LAMB1: variants seen among roughly 807,000 people sequenced by gnomAD.
LAMB1 encodes the protein laminin subunit beta 1.
Under a neutral mutation model 222.3 loss-of-function variants are expected in LAMB1, and 121 were observed. That is an observed-to-expected ratio of 0.54 (90% CI 0.47 to 0.63). The LOEUF is 0.63. LAMB1 is among the 30% of genes least tolerant of loss of function. LAMB1 has a pLI of 0.00. For missense variants in LAMB1, 2,172 were observed against 2,240.8 expected (o/e 0.97, Z 0.62); for synonymous variants, 794 against 807.2 (o/e 0.98, Z 0.28).
chr7:107,940,799 C>T (rs2116355932), intron 24 of LAMB1, among the ~76,000 whole-genome samples: 1 of 152,304 alleles, frequency 6.6e-6, no homozygotes, highest in South Asian at 2.1e-4. Flanking sequence ...TTTGCCTCCC[C>T]CTTACTTAGG....
intron 4 of LAMB1, among the ~76,000 whole-genome samples, chr7:107,996,802 T>C (rs543970081): frequency 3.0e-4 from 45 of 152,326 alleles, no homozygotes; most frequent in African/African-American, 1.0e-3. Context: ...CTGACTAAAA[T>C]GGGGACAGTC....
At chr7:107,973,988 G>A (rs1320484001) in intron 12 of LAMB1, among the ~76,000 whole-genome samples, 1 of 152,038 alleles carries the variant, frequency 6.6e-6, no homozygotes, top group Non-Finnish European at 1.5e-5. Flanking sequence ...ATGGGGTCTT[G>A]CTGGTCTCAA....
chr7:107,935,405 C>T lies in LAMB1; in HGVS notation c.4188+10G>A. 1 of 1,575,418 alleles carries T rather than the reference C, an allele frequency of 6.3e-7. No individual in the cohort carries two copies. Among genetic ancestry groups the T allele is most frequent in the Non-Finnish European group, 8.6e-7 (1 of 1,158,530 alleles). ...CACCATAGCAGTAAGGCCACATCCCCAAACCTTACCATTTCGGCAGCGGCT... is the reference window on the plus strand; with the variant it reads ...CACCATAGCAGTAAGGCCACATCCCTAAACCTTACCATTTCGGCAGCGGCT... On this transcript the variant is annotated intron_variant, in intron 27 of 33. Coordinates refer to ENST00000222399, the MANE Select transcript of LAMB1 (RefSeq NM_002291.3).
At chr7:107,978,456 A>T (rs749130389) in intron 8 of LAMB1, among the ~76,000 whole-genome samples, 79 of 105,580 alleles carry the variant, frequency 7.5e-4, no homozygotes, top group African/African-American at 2.6e-3. Flanking sequence ...ACTTAAAATT[A>T]AAAAAAAAAA....
Position 107,940,235 on chromosome 7 carries a change from A to C in LAMB1, c.3515T>G (p.Val1172Gly). 6.2e-7 allele frequency: 1 copy of C among 1,613,872 alleles called. No individual in the cohort carries two copies. The highest frequency in any genetic ancestry group is 2.2e-5 in the East Asian group (1 of 44,852). The part of the protein sequence containing the change: ...CDKCTRGYSG[V>G]FPDCTPCHQC... Reference sequence around the variant, plus strand: ...GTGGCAGGGTGTGCAGTCAGGGAAGACCCCCGAGTACCCTCGCGTGCACTT... The same window carrying C: ...GTGGCAGGGTGTGCAGTCAGGGAAGCCCCCCGAGTACCCTCGCGTGCACTT... Residue 1172 changes from valine (V) to glycine (G), a missense_variant, in exon 25 of 34, where the codon GTC (valine) becomes GGC (glycine). Val to Gly is a moderately radical substitution (Grantham distance 109). Transcript: ENST00000222399.
At chr7:107,984,539 C>G (rs967795059) in intron 7 of LAMB1, among the ~76,000 whole-genome samples, 1 of 152,206 alleles carries the variant, frequency 6.6e-6, no homozygotes, top group African/African-American at 2.4e-5. Context: ...TGAGCCTCCA[C>G]GCCTGGCCCA....
intron 27 of LAMB1, among the ~76,000 whole-genome samples, chr7:107,933,500 A>G (rs1317109977): frequency 6.6e-6 from 1 of 152,218 alleles, no homozygotes; most frequent in Non-Finnish European, 1.5e-5. Context: ...GCTGTAAAAC[A>G]TGAGTCTTAA....
intron 8 of LAMB1, among the ~76,000 whole-genome samples, chr7:107,978,609 A>G (rs1262634769): frequency 6.6e-6 from 1 of 151,688 alleles, no homozygotes; most frequent in Non-Finnish European, 1.5e-5. Context: ...CCAAATCACC[A>G]TTTTTTTAAA....
Position 107,929,508 on chromosome 7 carries a change from C to A in LAMB1, c.4649G>T (p.Arg1550Leu). Residue 1550 changes from arginine to leucine, a missense_variant, in exon 30 of 34, where the codon CGA (arginine) becomes CTA (leucine). Arg to Leu is a moderately radical substitution (Grantham distance 102, BLOSUM62 -2). Transcript: ENST00000222399. ...LQNLTEDIRE[R>L]VESLSQVEVI... ...CTCTACTTGAGAAAGGCTTTCAACT[C>A]GTTCACGTATATCTTCTGTCAAGTT... The A allele has an allele frequency of 6.2e-7, 1 of 1,614,070 alleles. No individual in the cohort carries two copies. Among genetic ancestry groups the A allele is most frequent in the Non-Finnish European group, 8.5e-7 (1 of 1,179,938 alleles).
chr7:107,944,352 G>A (rs2116368929), intron 24 of LAMB1, among the ~76,000 whole-genome samples: 2 of 152,232 alleles, frequency 1.3e-5, no homozygotes, highest in East Asian at 3.9e-4. Context: ...TCTTTATCTG[G>A]CCGAGGGAAA....
chr7:107,957,368 G>A (rs2033399249), intron 20 of LAMB1, among the ~76,000 whole-genome samples: 2 of 152,174 alleles, frequency 1.3e-5, no homozygotes, highest in South Asian at 2.1e-4. Flanking sequence ...TCCAGCCTGA[G>A]CAACAGAATG....
chr7:107,985,087 T>G (rs1020008712), intron 7 of LAMB1, among the ~76,000 whole-genome samples: 3 of 152,148 alleles, frequency 2.0e-5, no homozygotes, highest in African/African-American at 7.2e-5. Context: ...TACTGAGCAA[T>G]AAAATAAGGT....
intron 7 of LAMB1, among the ~76,000 whole-genome samples, chr7:107,982,474 G>A (rs12535803): frequency 6.6e-6 from 1 of 152,128 alleles, no homozygotes; most frequent in Non-Finnish European, 1.5e-5. Context: ...GTTAAACTTA[G>A]GTTCTTTGTA....
At position 107,924,317 on chromosome 7, in the gene LAMB1, C is replaced by G; in HGVS notation, c.5137G>C (p.Ala1713Pro). The G allele has an allele frequency of 6.2e-7, 1 of 1,613,142 alleles. No individual in the cohort carries two copies. The highest frequency in any genetic ancestry group is 8.5e-7 in the Non-Finnish European group (1 of 1,179,552). ...NLIAKKTEES[A>P]DARRKAEMLQ... ...ATTTCGGCTTTCCTTCTGGCATCAG[C>G]TGACTCTTCAGTTTTTTTGGCAATT... The change falls in exon 33 of 34, where the codon GCT (alanine) becomes CCT (proline). Residue 1713 changes from alanine to proline, a missense_variant. Transcript: ENST00000222399.
intron 24 of LAMB1, among the ~76,000 whole-genome samples, chr7:107,943,197 T>G (rs2033033126): frequency 6.6e-6 from 1 of 152,352 alleles, no homozygotes; most frequent in African/African-American, 2.4e-5. Context: ...TATCCTTATC[T>G]TGAAGATTAA....
At chr7:108,002,455 A>T in intron 2 of LAMB1, 1 of 1,292,708 alleles carries the variant, frequency 7.7e-7, no homozygotes, top group Non-Finnish European at 1.0e-6. Context: ...CCCAGAATGA[A>T]GCCTCCGCTC....
intron 3 of LAMB1, 120 bp downstream of exon 3, chr7:108,001,438 C>T (rs1439483095): frequency 6.9e-6 from 8 of 1,167,218 alleles, no homozygotes; most frequent in Non-Finnish European, 9.5e-6. Context: ...CCGGGACTCC[C>T]CGGCTGGCTG....
intron 8 of LAMB1, 54 bp from the exon 9 acceptor site, chr7:107,978,221 C>T (rs534334250): frequency 5.2e-5 from 82 of 1,583,002 alleles, no homozygotes; most frequent in African/African-American, 9.5e-5. Flanking sequence ...TGAATAGCCA[C>T]GTTTCTCCAT....
intron 15 of LAMB1, among the ~76,000 whole-genome samples, chr7:107,962,640 G>C (rs1158856492): frequency 2.6e-5 from 4 of 151,492 alleles, no homozygotes; most frequent in Non-Finnish European, 5.9e-5. Context: ...CTTGAACCCG[G>C]GAGGCGGAGA....
Sources: allele counts gnomAD v4.1 joint callset (sites outside exome capture counted in the v4.1 genomes callset), GRCh38; gene constraint gnomAD v4.1.1; transcripts MANE v1.5; gene names NCBI Gene and HGNC (gene_info 2026-07-23, HGNC 2026-07-21).